The following RBFOX1 variants were observed in gnomAD, a reference collection of about 807,000 sequenced individuals.
RBFOX1 encodes RNA binding fox-1 homolog 1.
RBFOX1 carries 8 observed loss-of-function variants against 57.7 expected under a neutral mutation model. The observed-to-expected ratio is 0.14, with a 90% CI of 0.08 to 0.25. The LOEUF is 0.25. Among genes scored for constraint, RBFOX1 ranks in the 10% least tolerant of loss-of-function variants. RBFOX1 has a pLI of 1.00. For synonymous variants in RBFOX1, 326 were observed against 222.4 expected (o/e 1.47, Z -4.15); for missense variants, 611 against 548.5 (o/e 1.11, Z -1.14).
chr16:6,847,589 A>G (rs992600540), intron 3 of RBFOX1, among the ~76,000 whole-genome samples: 2 of 152,052 alleles, frequency 1.3e-5, no homozygotes, highest in African/African-American at 2.4e-5. Flanking sequence ...GAAAAGTTGC[A>G]TGGCAAAGGG....
At chr16:7,296,482 A>T (rs181138618) in intron 4 of RBFOX1, among the ~76,000 whole-genome samples, 1 of 152,262 alleles carries the variant, frequency 6.6e-6, no homozygotes, top group East Asian at 1.9e-4. Context: ...TCTGAGAATC[A>T]TTATAGTTCT....
intron 4 of RBFOX1, among the ~76,000 whole-genome samples, chr16:7,510,741 C>G (rs547197962): frequency 6.6e-6 from 1 of 152,222 alleles, no homozygotes; most frequent in East Asian, 1.9e-4. Flanking sequence ...TAAAGTAAAA[C>G]AAACTGTCAG....
chr16:6,355,854 T>C (rs1204838937), intron 2 of RBFOX1, among the ~76,000 whole-genome samples: 1 of 152,184 alleles, frequency 6.6e-6, no homozygotes, highest in African/African-American at 2.4e-5. Context: ...CAACTAGAAG[T>C]TGGTATATAC....
chr16:5,823,357 T>C (rs1396074141), intron 3 of RBFOX1, among the ~76,000 whole-genome samples: 1 of 152,216 alleles, frequency 6.6e-6, no homozygotes, highest in East Asian at 1.9e-4. Flanking sequence ...GGGTAGCTCC[T>C]GCCTCTTGGA....
Position 7,712,747 on chromosome 16 carries a change from T to C in RBFOX1, c.*2002T>C, listed in dbSNP as rs2084185417. 1 of 152,158 alleles carries C rather than the reference T, an allele frequency of 6.6e-6. No homozygotes were observed. The highest frequency in any genetic ancestry group is 2.4e-5 in the African/African-American group (1 of 41,424). 9.4% of individuals were successfully genotyped at this position (152,158 alleles called of 1,614,324 possible). On this transcript the variant is annotated 3_prime_UTR_variant, in exon 16 of 16. Transcript: ENST00000550418. Reference sequence around the variant, plus strand: ...TGATGTTCTTAAAGGAAACGAATTATTAAAACACTATGACATCCTCCAGAG... The same window carrying C: ...TGATGTTCTTAAAGGAAACGAATTACTAAAACACTATGACATCCTCCAGAG...
intron 5 of RBFOX1, 144 bp from the exon 6 acceptor site, chr16:7,579,633 C>A: frequency 3.4e-6 from 3 of 894,136 alleles, no homozygotes; most frequent in Non-Finnish European, 5.1e-6. Context: ...TGAATGAATG[C>A]ATGCATGCAT....
In RBFOX1 at chr16:6,857,743, G is replaced by C. The variant is rs79948627; in HGVS notation, c.-15-194314G>C. Among the ~76,000 whole-genome samples, 96 of 152,290 alleles carry C rather than the reference G, an allele frequency of 6.3e-4. No homozygotes were observed. The East Asian group carries it at 0.017, about 26-fold the overall frequency. On this transcript the variant is annotated intron_variant, in intron 3 of 15. Coordinates refer to ENST00000550418, the MANE Select transcript of RBFOX1 (RefSeq NM_018723.4). ...TTCTCCTGTAAATTGGGAGAGGCAG[G>C]GAGAGCAGTGGAATGCGAATTTTGT...
chr16:7,043,247 G>T (rs1204025093), intron 3 of RBFOX1, among the ~76,000 whole-genome samples: 1 of 152,080 alleles, frequency 6.6e-6, no homozygotes, highest in Non-Finnish European at 1.5e-5. Context: ...TCTCCTTTGA[G>T]CACCCCTGGA....
At chr16:6,200,141 C>T (rs1165578382) in intron 1 of RBFOX1, among the ~76,000 whole-genome samples, 1 of 152,152 alleles carries the variant, frequency 6.6e-6, no homozygotes, top group Non-Finnish European at 1.5e-5. Context: ...TCTCAGGGAA[C>T]ACCTTGATTC....
chr16:5,554,980 A>G (rs1402269077), intron 2 of RBFOX1, among the ~76,000 whole-genome samples: 1 of 152,202 alleles, frequency 6.6e-6, no homozygotes, highest in African/African-American at 2.4e-5. Context: ...GGTGTTAGTC[A>G]TAGGAGTGGA....
chr16:5,753,301 C>T (rs950998349), intron 3 of RBFOX1, among the ~76,000 whole-genome samples: 1 of 152,184 alleles, frequency 6.6e-6, no homozygotes, highest in Non-Finnish European at 1.5e-5. Flanking sequence ...ACATAGAACA[C>T]TTAAAAAAAT....
chr16:6,571,523 G>A (rs1210286092), intron 2 of RBFOX1, among the ~76,000 whole-genome samples: 3 of 152,070 alleles, frequency 2.0e-5, no homozygotes, highest in African/African-American at 7.3e-5. Context: ...AAAGGCAAGG[G>A]GTTTGTGTGC....
chr16:6,259,664 T>C (rs7206816), intron 1 of RBFOX1, among the ~76,000 whole-genome samples: 21,945 of 151,930 alleles, frequency 0.14, 2,446 homozygotes, highest in African/African-American at 0.3. Context: ...CAAATAAAGA[T>C]AAAAACACTG....
At chr16:6,164,174 C>T (rs968826983) in intron 1 of RBFOX1, among the ~76,000 whole-genome samples, 1 of 152,146 alleles carries the variant, frequency 6.6e-6, no homozygotes, top group African/African-American at 2.4e-5. Flanking sequence ...GACTACACTG[C>T]AGAAGGAATT....
At chr16:7,578,993 CAG>C (rs897100585) in intron 5 of RBFOX1, among the ~76,000 whole-genome samples, 7 of 152,160 alleles carry the variant, frequency 4.6e-5, no homozygotes, top group African/African-American at 1.7e-4. Flanking sequence ...TCTAGGCAAA[CAG>C]AGCACAACAG....
chr16:6,876,678 C>T (rs1382274361), intron 3 of RBFOX1, among the ~76,000 whole-genome samples: 1 of 151,842 alleles, frequency 6.6e-6, no homozygotes, highest in African/African-American at 2.4e-5. Flanking sequence ...ATTTCTTAAT[C>T]TTGGCTGGAA....
intron 4 of RBFOX1, among the ~76,000 whole-genome samples, chr16:5,952,802 C>T (rs903271905): frequency 6.6e-6 from 1 of 152,152 alleles, no homozygotes; most frequent in African/African-American, 2.4e-5. Flanking sequence ...TTCTCCAGGA[C>T]AAGGCCTCCC....
At chr16:7,147,904 C>T (rs1260019633) in intron 4 of RBFOX1, among the ~76,000 whole-genome samples, 2 of 152,266 alleles carry the variant, frequency 1.3e-5, no homozygotes, top group African/African-American at 4.8e-5. Context: ...GCTGCTTTCG[C>T]CAGGGGCTGA....
chr16:6,977,942 A>AAAAAAAAAAAT (rs2087532875), intron 3 of RBFOX1, among the ~76,000 whole-genome samples: 2 of 119,806 alleles, frequency 1.7e-5, no homozygotes, highest in African/African-American at 5.0e-5. Context: ...CCAGGGAAAA[A>AAAAAAAAAAAT]AAAAAAAAAG....
Sources: allele counts gnomAD v4.1 joint callset (sites outside exome capture counted in the v4.1 genomes callset), GRCh38; gene constraint gnomAD v4.1.1; transcripts MANE v1.5; gene names NCBI Gene and HGNC (gene_info 2026-07-23, HGNC 2026-07-21).